Variants in INF2 observed in about 807,000 individuals in gnomAD.
INF2 encodes inverted formin-2.
In INF2, 43 loss-of-function variants were observed where a neutral mutation model predicts 123.5. That is an observed-to-expected ratio of 0.35 (90% CI 0.27 to 0.45). INF2 has a LOEUF of 0.45. Among genes scored for constraint, INF2 ranks in the 20% least tolerant of loss-of-function variants. The pLI, the probability that INF2 is intolerant of heterozygous loss-of-function variation, is 1.00. For missense variants in INF2, 1,453 were observed against 1,682.7 expected, an observed-to-expected ratio of 0.86 and a Z score of 2.39; for synonymous variants, 851 against 745.0, an observed-to-expected ratio of 1.14 and a Z score of -2.32.
chr14:104,714,881 ACCGTCCCACGCCAGGGCG>A (rs1890220702), intron 21 of INF2, 25 bp downstream of exon 21: 1 of 1,513,092 alleles, frequency 6.6e-7, no homozygotes, highest in African/African-American at 1.4e-5. Flanking sequence ...GGCCCCGGGC[ACCGTCCCACGCCAGGGCG>A]CTGGCACCCA....
At chr14:104,715,041 G>A (rs973916075) in intron 21 of INF2, among the ~76,000 whole-genome samples, 185 bp downstream of exon 21, 4 of 152,332 alleles carry the variant, frequency 2.6e-5, no homozygotes, top group South Asian at 4.1e-4. Flanking sequence ...GCCGCGGCCC[G>A]TGCAACTATT....
rs1233983762 is a variant in INF2, at chr14:104,707,457, TG to T, written c.1192del (p.Asp398ThrfsTer9). ...GCAGCAGCTGCTGCCTGCGAGCCCG[TG>T]GACCACGCCCAGAGTGAGAGCATCC... Reference protein sequence around the residue: ...QPAAAAACEPVDHAQSESILK... With the variant: ...QPAAAAACEPXDHAQSESILK... On this transcript the variant is annotated frameshift_variant, in exon 8 of 23. Transcript: ENST00000392634. LOFTEE classifies it high-confidence loss of function. The T allele has an allele frequency of 1.3e-6, 2 of 1,559,762 alleles. No homozygotes were observed. Among genetic ancestry groups the T allele is most frequent in the Non-Finnish European group, 1.7e-6 (2 of 1,152,654 alleles).
At chr14:104,683,198 G>A (rs1256613136) in intron 1 of INF2, among the ~76,000 whole-genome samples, 2 of 151,230 alleles carry the variant, frequency 1.3e-5, no homozygotes, top group Non-Finnish European at 3.0e-5. Context: ...GAGGGGAGGG[G>A]TGGAGGGGAG....
intron 7 of INF2, 30 bp from the exon 8 acceptor site, chr14:104,707,223 T>C (rs770047857): frequency 1.3e-6 from 2 of 1,588,652 alleles, no homozygotes; most frequent in Non-Finnish European, 1.7e-6. Flanking sequence ...GGCTCCCTTC[T>C]CCCTTGACCC....
At chr14:104,685,456 GGGCA>G (rs1480169075), upstream of INF2, among the ~76,000 whole-genome samples, 1 of 152,182 alleles carries the variant, frequency 6.6e-6, no homozygotes, top group African/African-American at 2.4e-5. Context: ...GCCAAGGGAG[GGGCA>G]GGGATGTTGG....
chr14:104,701,374 G>A lies in INF2; in HGVS notation c.9G>A (p.Val3=), dbSNP rs1394029628. ...GCCTGCAGCTCGGCAAGATGTCGGT[G>A]AAGGAGGGCGCACAGCGCAAGTGGG... MS[V]KEGAQRKWAA... Residue 3 remains valine (V), a synonymous_variant, in exon 2 of 23, where the codon GTG becomes GTA. Transcript: ENST00000392634. The A allele has an allele frequency of 1.9e-6, 3 of 1,582,868 alleles. No homozygotes were observed. Among genetic ancestry groups the A allele is most frequent in the African/African-American group, 1.3e-5 (1 of 74,264 alleles).
At chr14:104,687,659 G>T (rs539488166), upstream of INF2, among the ~76,000 whole-genome samples, 3 of 152,142 alleles carry the variant, frequency 2.0e-5, no homozygotes, top group Admixed American at 1.3e-4. This position sits in a 1 kb window ranked among gnomAD's most constrained non-coding sequence, Gnocchi z 5.6. Context: ...TCGGAAGCAC[G>T]ACTGGGTGCA....
At chr14:104,689,512 T>TA (rs2140589171), upstream of INF2, 1 of 34,448 alleles carries the variant, frequency 2.9e-5, no homozygotes, top group Admixed American at 2.8e-4. Context: ...GCCACCCACC[T>TA]CCCCCCCCAG....
At position 104,708,416 on chromosome 14, in the gene INF2, G is replaced by A; in HGVS notation, c.1736-20G>A. ...CCCCGGGGCTGCGAGAGCCTCACTG[G>A]CCGTGTCCCCACCCGACAGAGCACA... On this transcript the variant is annotated intron_variant, in intron 8 of 22. Transcript: ENST00000392634. The A allele has an allele frequency of 6.2e-7, 1 of 1,610,288 alleles. No homozygotes were observed. Among genetic ancestry groups the A allele is most frequent in the Non-Finnish European group, 8.5e-7 (1 of 1,179,224 alleles).
chr14:104,710,866 C>A, intron 13 of INF2, 71 bp from the exon 14 acceptor site: 1 of 1,385,396 alleles, frequency 7.2e-7, no homozygotes, highest in Non-Finnish European at 1.0e-6. Flanking sequence ...CAAGCAGGAC[C>A]ACACCCCACC....
upstream of INF2, chr14:104,689,268 G>T (rs1302556944): frequency 1.0e-6 from 1 of 985,080 alleles, no homozygotes; most frequent in East Asian, 1.1e-4. Context: ...TGGGAGGCCA[G>T]TCCCACCGGA....
Position 104,699,719 on chromosome 14 carries a change from G to A in INF2, c.-9-1638G>A. ...GTGCCCAGACCAGGACCCCCTGCAG[G>A]GAGGAGGGGCATCCCAAGGACAGCC... On this transcript the variant is annotated intron_variant, in intron 1 of 22. Transcript: ENST00000392634. This position sits in a 1 kb window ranked among gnomAD's most constrained non-coding sequence, Gnocchi z 4.7. The A allele has an allele frequency of 2.4e-6, 1 of 417,182 alleles. No individual in the cohort carries two copies. Among genetic ancestry groups the A allele is most frequent in the Non-Finnish European group, 3.2e-6 (1 of 310,580 alleles). 25.8% of individuals were successfully genotyped at this position (417,182 alleles called of 1,614,324 possible).
intron 10 of INF2, 68 bp downstream of exon 10, chr14:104,708,800 G>A (rs1425851782): frequency 8.5e-6 from 13 of 1,522,270 alleles, no homozygotes; most frequent in Non-Finnish European, 1.0e-5. Context: ...TTCTGACTTG[G>A]GCCCAGCAGT....
intron 1 of INF2, chr14:104,690,153 G>GC (rs1049340012): frequency 2.0e-5 from 3 of 152,274 alleles, no homozygotes; most frequent in African/African-American, 7.2e-5. Flanking sequence ...GTGCGCGCCG[G>GC]CCTGCGGCCC....
In INF2 at chr14:104,701,608, G is replaced by A. The variant is rs1424424816; in HGVS notation, c.243G>A (p.Leu81=). ...QSGLDLLLEA[L]ARLSGRGVAR... is the part of the protein sequence containing the mutation. Reference sequence around the variant, plus strand: ...GCCTGGACCTGCTGCTGGAGGCGCTGGCGCGGCTGTCGGGCCGCGGCGTTG... The same window carrying A: ...GCCTGGACCTGCTGCTGGAGGCGCTAGCGCGGCTGTCGGGCCGCGGCGTTG... The change falls in exon 2 of 23, where the codon CTG becomes CTA. Residue 81 remains leucine (L), a synonymous_variant. Transcript: ENST00000392634. 6.2e-7 allele frequency: 1 copy of A among 1,605,106 alleles called. No homozygotes were observed. The highest frequency in any genetic ancestry group is 1.7e-5 in the Admixed American group (1 of 59,750).
At chr14:104,689,582 C>T, upstream of INF2, 1 of 920,302 alleles carries the variant, frequency 1.1e-6, no homozygotes. Flanking sequence ...GGCGGCACCT[C>T]CTCTTCCTCC....
intron 4 of INF2, 23 bp downstream of exon 4, chr14:104,703,477 A>ATGCCCGCTCC (rs747842391): frequency 6.2e-7 from 1 of 1,608,988 alleles, no homozygotes; most frequent in South Asian, 1.1e-5. Context: ...CCTGGGCCGC[A>ATGCCCGCTCC]TGCCCGCTCC....
At chr14:104,694,976 C>T in intron 1 of INF2, among the ~76,000 whole-genome samples, 1 of 152,286 alleles carries the variant, frequency 6.6e-6, no homozygotes, top group South Asian at 2.1e-4. Context: ...TTCCCCCTCC[C>T]AGGTTGAGAG....
At position 104,707,551 on chromosome 14, in the gene INF2, C is replaced by T. The variant is rs1485693649; in HGVS notation, c.1284C>T (p.Pro428=). ...CCCCACCCCCACCCCCACCCCCACC[C>T]CTGCTCCCTGGTTCCAGTGCCGAGC... ...ASTPPPPPPP[P]LLPGSSAEPP... Residue 428 remains proline, a synonymous_variant, in exon 8 of 23, where the codon CCC becomes CCT. Transcript: ENST00000392634. 8.4e-7 allele frequency: 1 copy of T among 1,190,182 alleles called. No homozygotes were observed. Among genetic ancestry groups the T allele is most frequent in the Admixed American group, 2.4e-5 (1 of 41,446 alleles). The allele number at this position is 1,190,182 out of a possible 1,614,324, so 73.7% of individuals were successfully genotyped here.
Sources: gnomAD v4.1 joint callset for allele counts (sites outside exome capture counted in the v4.1 genomes callset) on GRCh38, gnomAD v4.1.1 for gene constraint, Gnocchi (gnomAD v3.1) non-coding constraint, MANE v1.5 for transcripts, NCBI Gene and HGNC (gene_info 2026-07-23, HGNC 2026-07-21) for gene names.